Variants in CDKAL1 observed in about 807,000 individuals in gnomAD.
CDKAL1 encodes the protein threonylcarbamoyladenosine tRNA methylthiotransferase.
CDKAL1 carries 32 observed loss-of-function variants against 68.2 expected under a neutral mutation model. The ratio of observed to expected loss-of-function variants is 0.47; its 90% confidence interval spans 0.35 to 0.63. The LOEUF (loss-of-function observed/expected upper bound fraction) is 0.63. CDKAL1 is among the 30% of genes least tolerant of loss of function. CDKAL1 has a pLI of 0.00. For missense variants in CDKAL1, 606 were observed against 696.7 expected (o/e 0.87, Z 1.47); for synonymous variants, 234 against 244.3 (o/e 0.96, Z 0.39).
At chr6:21,097,065 A>G (rs1773352303) in intron 12 of CDKAL1, among the ~76,000 whole-genome samples, 1 of 152,224 alleles carries the variant, frequency 6.6e-6, no homozygotes, top group African/African-American at 2.4e-5. Context: ...ATTAAGCCCT[A>G]TTTGCTTTGC....
chr6:20,686,765 C>T (rs9368222), intron 5 of CDKAL1, among the ~76,000 whole-genome samples: 2 of 151,784 alleles, frequency 1.3e-5, no homozygotes, highest in Non-Finnish European at 2.9e-5. Flanking sequence ...TGTCTTTGTT[C>T]GTGATTTTAG....
At chr6:21,119,165 G>C (rs1774577780) in intron 13 of CDKAL1, among the ~76,000 whole-genome samples, 1 of 151,814 alleles carries the variant, frequency 6.6e-6, no homozygotes, top group Non-Finnish European at 1.5e-5. Flanking sequence ...TTCCTGTTGA[G>C]AACTTCATTT....
chr6:20,896,119 TGAGATGGAGTCTTGCTC>T (rs1761679142), intron 9 of CDKAL1, among the ~76,000 whole-genome samples: 5 of 136,472 alleles, frequency 3.7e-5, no homozygotes, highest in Non-Finnish European at 6.3e-5. Context: ...TTTTTTTTTT[TGAGATGGAGTCTTGCTC>T]TGTTGCCAGA....
chr6:20,587,321 G>A (rs983066007), intron 4 of CDKAL1, among the ~76,000 whole-genome samples: 1 of 152,036 alleles, frequency 6.6e-6, no homozygotes, highest in Non-Finnish European at 1.5e-5. Context: ...AGAGTTCGAA[G>A]CTAACAGATA....
intron 8 of CDKAL1, among the ~76,000 whole-genome samples, chr6:20,801,376 A>G (rs965796397): frequency 7.9e-5 from 12 of 152,238 alleles, no homozygotes; most frequent in African/African-American, 1.2e-4. Flanking sequence ...ATGGACAGCA[A>G]AGTCGAAAAA....
At chr6:20,599,575 T>C (rs1765993111) in intron 4 of CDKAL1, among the ~76,000 whole-genome samples, 1 of 152,218 alleles carries the variant, frequency 6.6e-6, no homozygotes, top group Admixed American at 6.5e-5. Flanking sequence ...GCATAATGAC[T>C]TGGCTCATTT....
chr6:20,831,457 T>G (rs922721548), intron 8 of CDKAL1, among the ~76,000 whole-genome samples: 4 of 152,172 alleles, frequency 2.6e-5, no homozygotes, highest in Non-Finnish European at 5.9e-5. Context: ...TGCTGACCAG[T>G]GCCAGCTGCA....
intron 11 of CDKAL1, among the ~76,000 whole-genome samples, chr6:21,006,274 A>G (rs1767722124): frequency 6.6e-6 from 1 of 152,148 alleles, no homozygotes; most frequent in African/African-American, 2.4e-5. Context: ...TAAGTAGAAT[A>G]TTTATCAGAA....
At chr6:20,944,209 C>T (rs1037557721) in intron 9 of CDKAL1, among the ~76,000 whole-genome samples, 12 of 152,222 alleles carry the variant, frequency 7.9e-5, no homozygotes, top group Admixed American at 2.6e-4. Flanking sequence ...CTTTGTTTCT[C>T]TCAAGAATCA....
intron 9 of CDKAL1, among the ~76,000 whole-genome samples, chr6:20,880,215 A>G (rs993276211): frequency 2.0e-5 from 3 of 152,128 alleles, no homozygotes; most frequent in East Asian, 1.9e-4. Flanking sequence ...TAAGCTCTAC[A>G]TAGCTGGTAT....
rs148059651 is a variant in CDKAL1 at position 20,886,079 on chromosome 6, C to A, written c.742+39901C>A. ...AACTACGACTCAACAAGCAGACAAC[C>A]CAGTTAGAAAATGGACAAAAGATTT... On this transcript the variant is annotated intron_variant, in intron 9 of 15. Coordinates refer to ENST00000274695, the MANE Select transcript of CDKAL1 (RefSeq NM_017774.3). Among the ~76,000 whole-genome samples the A allele has an allele frequency of 1.7e-3, 252 of 152,152 alleles. 2 individuals are homozygous for A. The highest frequency in any genetic ancestry group is 6.0e-3 in the African/African-American group (247 of 41,504).
At chr6:20,543,414 T>C (rs146457634) in intron 2 of CDKAL1, among the ~76,000 whole-genome samples, 1,612 of 152,336 alleles carry the variant, frequency 0.011, 14 homozygotes, top group Non-Finnish European at 0.017. Flanking sequence ...TCTGTGCTTA[T>C]TTGCCCTCTG....
chr6:20,954,541 T>C (rs1216475715), intron 9 of CDKAL1, among the ~76,000 whole-genome samples: 1 of 152,200 alleles, frequency 6.6e-6, no homozygotes, highest in Non-Finnish European at 1.5e-5. Flanking sequence ...GTTAATCATT[T>C]GGCCTTTGAA....
chr6:20,748,953 GTA>G (rs1003226732), intron 6 of CDKAL1, among the ~76,000 whole-genome samples: 2 of 151,514 alleles, frequency 1.3e-5, no homozygotes, highest in Admixed American at 1.3e-4. Flanking sequence ...GCATGTATGT[GTA>G]TATATATATG....
intron 13 of CDKAL1, among the ~76,000 whole-genome samples, chr6:21,139,260 C>G (rs945235023): frequency 6.6e-6 from 1 of 152,158 alleles, no homozygotes; most frequent in Non-Finnish European, 1.5e-5. Flanking sequence ...ACAAAGAGAT[C>G]CACAAATCAC....
chr6:21,144,597 A>G (rs1189386159), intron 13 of CDKAL1, among the ~76,000 whole-genome samples: 1 of 151,150 alleles, frequency 6.6e-6, no homozygotes, highest in African/African-American at 2.4e-5. Context: ...TCAGCCTGGG[A>G]AACATGGTGA....
intron 9 of CDKAL1, among the ~76,000 whole-genome samples, chr6:20,855,872 T>A (rs1271994130): frequency 6.6e-6 from 1 of 152,172 alleles, no homozygotes; most frequent in African/African-American, 2.4e-5. Flanking sequence ...GACCACTGAT[T>A]TAAAGGAACA....
chr6:20,990,583 A>G (rs1360116885), intron 10 of CDKAL1, among the ~76,000 whole-genome samples: 1 of 152,270 alleles, frequency 6.6e-6, no homozygotes, highest in Non-Finnish European at 1.5e-5. Context: ...ATCTGTTCAC[A>G]ATATCTAATC....
At chr6:20,670,273 C>A (rs1405772711) in intron 5 of CDKAL1, among the ~76,000 whole-genome samples, 1 of 152,108 alleles carries the variant, frequency 6.6e-6, no homozygotes, top group Non-Finnish European at 1.5e-5. Flanking sequence ...AAATCAAATT[C>A]TGTTTTTAAT....
Sources: gnomAD v4.1 joint callset for allele counts (sites outside exome capture counted in the v4.1 genomes callset) on GRCh38, gnomAD v4.1.1 for gene constraint, MANE v1.5 for transcripts, NCBI Gene and HGNC (gene_info 2026-07-23, HGNC 2026-07-21) for gene names.